ITGB3BP: variants seen among roughly 807,000 people sequenced by gnomAD.
ITGB3BP encodes integrin subunit beta 3 binding protein.
A neutral mutation model predicts 29.1 loss-of-function variants in ITGB3BP; 27 were observed. The ratio of observed to expected loss-of-function variants is 0.93; its 90% CI spans 0.68 to 1.28. The LOEUF (loss-of-function observed/expected upper bound fraction) is 1.28, where lower values mean the gene tolerates loss of function less well. Among genes scored for constraint, ITGB3BP ranks in the 50% most tolerant of loss-of-function variants. The pLI is 0.00. For missense variants in ITGB3BP, 192 were observed against 200.2 expected (o/e 0.96, Z 0.25); for synonymous variants, 61 against 61.4 (o/e 0.99, Z 0.03).
At chr1:63,512,408 A>C (rs188694695) in intron 1 of ITGB3BP, among the ~76,000 whole-genome samples, 27 of 152,260 alleles carry the variant, frequency 1.8e-4, no homozygotes, top group African/African-American at 6.5e-4. Flanking sequence ...ATTCTAGGAA[A>C]AAAAAACCCT....
At chr1:63,525,758 A>T (rs572488633), upstream of ITGB3BP, 24 of 1,553,768 alleles carry the variant, frequency 1.5e-5, no homozygotes, top group South Asian at 3.0e-4. Context: ...AACTTTACTT[A>T]GGTAAATTTT....
At chr1:63,462,006 G>A (rs867051307) in intron 4 of ITGB3BP, among the ~76,000 whole-genome samples, 3 of 152,288 alleles carry the variant, frequency 2.0e-5, no homozygotes, top group Middle Eastern at 3.4e-3. Flanking sequence ...AAAAAGTGCT[G>A]TTTAATCATT....
intron 3 of ITGB3BP, among the ~76,000 whole-genome samples, chr1:63,485,999 C>G (rs756787401): frequency 6.6e-6 from 1 of 152,168 alleles, no homozygotes; most frequent in East Asian, 1.9e-4. Context: ...GTCCTTATAT[C>G]TTAGAATACT....
At chr1:63,453,884 T>A in intron 7 of ITGB3BP, 34 bp downstream of exon 7, 2 of 1,301,016 alleles carry the variant, frequency 1.5e-6, no homozygotes, top group Non-Finnish European at 2.2e-6. Flanking sequence ...GATGAAAGCA[T>A]CTTTATGTAA....
intron 2 of ITGB3BP, among the ~76,000 whole-genome samples, chr1:63,490,504 C>T (rs141933972): frequency 3.0e-3 from 458 of 152,158 alleles, no homozygotes; most frequent in African/African-American, 0.011. Flanking sequence ...TAGAGATGGC[C>T]AACTCTCCCA....
intron 2 of ITGB3BP, among the ~76,000 whole-genome samples, chr1:63,492,982 A>G (rs1176385836): frequency 6.6e-6 from 1 of 151,678 alleles, no homozygotes; most frequent in East Asian, 2.0e-4. Flanking sequence ...ATAGTGGTGC[A>G]TGCCTGTGGT....
intron 4 of ITGB3BP, among the ~76,000 whole-genome samples, chr1:63,463,880 T>C (rs375399568): frequency 2.0e-5 from 3 of 152,290 alleles, no homozygotes; most frequent in Admixed American, 6.5e-5. Context: ...TCAATAGGAA[T>C]TGATTTCAGG....
At chr1:63,489,186 C>G (rs543327363) in intron 3 of ITGB3BP, among the ~76,000 whole-genome samples, 134 of 151,868 alleles carry the variant, frequency 8.8e-4, no homozygotes, top group Non-Finnish European at 1.7e-3. Flanking sequence ...TAAAGACATT[C>G]AAAACTTTAA....
chr1:63,485,183 C>G (rs1645503828), intron 3 of ITGB3BP, among the ~76,000 whole-genome samples: 1 of 152,002 alleles, frequency 6.6e-6, no homozygotes, highest in Non-Finnish European at 1.5e-5. Flanking sequence ...TAATATACGT[C>G]AAGTACCATT....
chr1:63,474,267 G>A (rs1388825856), intron 4 of ITGB3BP, among the ~76,000 whole-genome samples: 25 of 134,274 alleles, frequency 1.9e-4, no homozygotes, highest in Admixed American at 2.9e-4. Context: ...GTCCGGGAGG[G>A]TGGTGGGGGG....
At chr1:63,523,367 G>T (rs903992156), upstream of ITGB3BP, 11 of 597,896 alleles carry the variant, frequency 1.8e-5, no homozygotes, top group Admixed American at 5.9e-5. Context: ...TCCTGCTGGT[G>T]TAACAGAGCA....
upstream of ITGB3BP, among the ~76,000 whole-genome samples, chr1:63,523,805 G>T (rs1182929902): frequency 6.6e-6 from 1 of 152,194 alleles, no homozygotes; most frequent in African/African-American, 2.4e-5. Context: ...CAAAAATAGA[G>T]AGATGGTGCC....
At chr1:63,525,767 T>G (rs1646577926), upstream of ITGB3BP, 1 of 1,519,562 alleles carries the variant, frequency 6.6e-7, no homozygotes, top group African/African-American at 1.4e-5. Flanking sequence ...TAGGTAAATT[T>G]TTAAAATTTT....
At chr1:63,462,741 T>C (rs1645037347) in intron 4 of ITGB3BP, among the ~76,000 whole-genome samples, 1 of 152,238 alleles carries the variant, frequency 6.6e-6, no homozygotes, top group South Asian at 2.1e-4. Flanking sequence ...AGACCATCAT[T>C]TGAGCAGTTA....
intron 4 of ITGB3BP, among the ~76,000 whole-genome samples, chr1:63,470,242 T>C (rs1645172914): frequency 6.6e-6 from 1 of 152,204 alleles, no homozygotes; most frequent in Non-Finnish European, 1.5e-5. Flanking sequence ...TTTCTGTGTG[T>C]GTGTCTTTAA....
chr1:63,469,017 A>G (rs1283222382), intron 4 of ITGB3BP, among the ~76,000 whole-genome samples: 1 of 150,490 alleles, frequency 6.6e-6, no homozygotes, highest in Non-Finnish European at 1.5e-5. Flanking sequence ...TGCCAGTGCA[A>G]TCCAGCCTGG....
intron 2 of ITGB3BP, among the ~76,000 whole-genome samples, chr1:63,494,652 C>T (rs1003055929): frequency 6.6e-6 from 1 of 152,100 alleles, no homozygotes; most frequent in African/African-American, 2.4e-5. Context: ...TAATAATATG[C>T]AAATTTCACC....
chr1:63,483,792 T>C (rs1033327086), intron 3 of ITGB3BP, among the ~76,000 whole-genome samples: 2 of 152,200 alleles, frequency 1.3e-5, no homozygotes, highest in African/African-American at 2.4e-5. Context: ...TACTCAGATA[T>C]GTTTAAATAC....
rs144506043 is a variant in ITGB3BP at position 63,498,284 on chromosome 1, G to T, written c.49-8066C>A. Among the ~76,000 whole-genome samples, 628 of 152,118 alleles carry T rather than the reference G, an allele frequency of 4.1e-3. 5 individuals are homozygous for T. The highest frequency in any genetic ancestry group is 7.1e-3 in the Non-Finnish European group (480 of 68,004). On this transcript the variant is annotated intron_variant, in intron 2 of 8. Transcript: ENST00000271002. ...TTCTCAAGTGCACATAAAACATTTG[G>T]CAGGATAACAACATGTTGGGCCACA...
Sources: allele counts gnomAD v4.1 joint callset (sites outside exome capture counted in the v4.1 genomes callset), GRCh38; gene constraint gnomAD v4.1.1; transcripts MANE v1.5; gene names NCBI Gene and HGNC (gene_info 2026-07-23, HGNC 2026-07-21).